The following BCOR variants were observed in gnomAD, a reference collection of about 807,000 sequenced individuals.
The protein encoded by BCOR is BCL6 corepressor, also known as BCL-6 corepressor.
In BCOR, 10 loss-of-function variants were observed where a neutral mutation model predicts 86.7. The ratio of observed to expected loss-of-function variants is 0.12; its 90% CI spans 0.07 to 0.20. BCOR has a LOEUF of 0.20. Among genes scored for constraint, BCOR ranks in the 10% least tolerant of loss-of-function variants. The pLI is 1.00. For synonymous variants in BCOR, 611 were observed against 609.0 expected (o/e 1.00, Z -0.05); for missense variants, 1,259 against 1,452.1 (o/e 0.87, Z 2.16).
At chrX:40,150,883 C>G (rs1938152866) in intron 1 of BCOR, among the ~76,000 whole-genome samples, 1 of 112,658 alleles carries the variant, frequency 8.9e-6, no homozygotes, top group African/African-American at 3.2e-5. Flanking sequence ...GATTCCTGCA[C>G]TAGCAAACTG....
intron 1 of BCOR, among the ~76,000 whole-genome samples, chrX:40,083,120 T>G (rs1248704993): frequency 1.9e-4 from 17 of 89,881 alleles, no homozygotes; most frequent in Non-Finnish European, 2.9e-4. Flanking sequence ...GGGGTGGGGG[T>G]GGGGTGTGTG....
rs750973796 is a variant in BCOR, at chrX:40,062,767, G to A, written c.4152C>T (p.Tyr1384=). ...GTACCTTGCCATCGGCATTCTCCAC[G>A]TAGTATTCCCCTGTCAGTGGCAATC... The part of the protein sequence containing the change: ...RRGLPLTGEY[Y]VENADGKVTV... Residue 1384 remains tyrosine, a synonymous_variant, in exon 9 of 15, where the codon TAC becomes TAT. Transcript: ENST00000378444. 76 of 1,209,182 alleles carry A rather than the reference G, an allele frequency of 6.3e-5. No homozygotes were observed. The highest frequency in any genetic ancestry group is 5.3e-4 in the South Asian group (30 of 56,691).
At chrX:40,168,962 G>C (rs1382409106) in intron 1 of BCOR, among the ~76,000 whole-genome samples, 1 of 112,516 alleles carries the variant, frequency 8.9e-6, no homozygotes, top group Non-Finnish European at 1.9e-5. Context: ...GCTGCGCGCA[G>C]GCTGCAGCGG....
chrX:40,160,824 C>G (rs960169376), intron 1 of BCOR, among the ~76,000 whole-genome samples: 3 of 105,236 alleles, frequency 2.9e-5, no homozygotes, highest in Non-Finnish European at 5.9e-5. Flanking sequence ...CCGCCACGCC[C>G]GGCTAATTTT....
intron 10 of BCOR, among the ~76,000 whole-genome samples, chrX:40,060,540 C>T (rs766558732): frequency 6.8e-4 from 76 of 112,235 alleles, no homozygotes; most frequent in Non-Finnish European, 1.1e-3. Context: ...AGGCCAGGAG[C>T]CCTACCCCGC....
chrX:40,162,745 A>G (rs1030228842), intron 1 of BCOR, among the ~76,000 whole-genome samples: 4 of 112,176 alleles, frequency 3.6e-5, no homozygotes, highest in African/African-American at 6.5e-5. Context: ...ATAGAAAATA[A>G]TAACTGCCAA....
chrX:40,053,038 CCTG>C (rs1934406566), intron 14 of BCOR, among the ~76,000 whole-genome samples: 1 of 111,378 alleles, frequency 9.0e-6, no homozygotes, highest in Non-Finnish European at 1.9e-5. Flanking sequence ...ATCCAAGTGC[CCTG>C]CTATCAACAG....
intron 6 of BCOR, among the ~76,000 whole-genome samples, chrX:40,066,627 T>C (rs1258432211): frequency 8.9e-6 from 1 of 111,998 alleles, no homozygotes; most frequent in Non-Finnish European, 1.9e-5. Flanking sequence ...ACTATTTGAC[T>C]TTCTGGAGCC....
intron 3 of BCOR, among the ~76,000 whole-genome samples, chrX:40,075,624 C>T (rs1264110020): frequency 9.0e-6 from 1 of 110,610 alleles, no homozygotes; most frequent in Non-Finnish European, 1.9e-5. Context: ...CCAGGTGTGG[C>T]GGTGTGCACC....
intron 1 of BCOR, among the ~76,000 whole-genome samples, chrX:40,118,496 A>C (rs1249751125): frequency 9.2e-6 from 1 of 109,266 alleles, no homozygotes; most frequent in African/African-American, 3.3e-5. Context: ...CGAACTCCTG[A>C]CCTCAGGTGA....
At chrX:40,152,977 G>C (rs1263327793) in intron 1 of BCOR, among the ~76,000 whole-genome samples, 1 of 112,801 alleles carries the variant, frequency 8.9e-6, no homozygotes, top group Non-Finnish European at 1.9e-5. Flanking sequence ...AGGGTGACCG[G>C]GCTGGAGACC....
chrX:40,167,792 C>T (rs965131582), intron 1 of BCOR, among the ~76,000 whole-genome samples: 3 of 112,745 alleles, frequency 2.7e-5, no homozygotes, highest in Non-Finnish European at 5.6e-5. Flanking sequence ...CAACCCTCCT[C>T]GCAACCCATA....
At chrX:40,174,499 T>C (rs1938698779) in intron 1 of BCOR, among the ~76,000 whole-genome samples, 1 of 112,620 alleles carries the variant, frequency 8.9e-6, no homozygotes, top group Non-Finnish European at 1.9e-5. Flanking sequence ...AGCACACGTC[T>C]GGGCAGCCCC....
intron 1 of BCOR, among the ~76,000 whole-genome samples, chrX:40,170,764 T>C (rs913607600): frequency 1.8e-5 from 2 of 112,653 alleles, no homozygotes; most frequent in African/African-American, 6.5e-5. Context: ...CAGAAACTTA[T>C]CTCGAAATGA....
At chrX:40,173,334 C>T (rs1413702052) in intron 1 of BCOR, among the ~76,000 whole-genome samples, 1 of 112,064 alleles carries the variant, frequency 8.9e-6, no homozygotes, top group African/African-American at 3.2e-5. Context: ...TTATCTACCT[C>T]GTAGGGTTGT....
In BCOR at chrX:40,127,993, G is replaced by A. The variant is rs1245267300; in HGVS notation, c.-41+49014C>T. On this transcript the variant is annotated intron_variant, in intron 1 of 14. Transcript: ENST00000342274. ...TGTAATCCCAGCACTTTGGGAGGCC[G>A]AGGCGGACAGATCACGAGATCAGGA... Among the ~76,000 whole-genome samples, 20 of 111,432 alleles carry A rather than the reference G, an allele frequency of 1.8e-4. 1 individual carries two copies. Among genetic ancestry groups the A allele is most frequent in the Admixed American group, 1.7e-3 (18 of 10,452 alleles).
intron 1 of BCOR, among the ~76,000 whole-genome samples, chrX:40,163,108 A>G (rs1249200793): frequency 8.9e-6 from 1 of 112,010 alleles, no homozygotes; most frequent in Non-Finnish European, 1.9e-5. Context: ...TGTACCATAT[A>G]AAGATAGCTG....
chrX:40,105,442 T>C (rs995583958), intron 1 of BCOR, among the ~76,000 whole-genome samples: 2 of 112,157 alleles, frequency 1.8e-5, no homozygotes, highest in Non-Finnish European at 3.8e-5. Flanking sequence ...GCGTCACCCC[T>C]GATCCCTCCT....
At chrX:40,052,972 C>G (rs2146847640) in intron 14 of BCOR, among the ~76,000 whole-genome samples, 1 of 111,695 alleles carries the variant, frequency 9.0e-6, no homozygotes, top group East Asian at 2.8e-4. Flanking sequence ...CATTTCTCCC[C>G]TTTCTGGGGG....
Sources: allele counts gnomAD v4.1 joint callset (sites outside exome capture counted in the v4.1 genomes callset), GRCh38; gene constraint gnomAD v4.1.1; transcripts MANE v1.5; gene names NCBI Gene and HGNC (gene_info 2026-07-23, HGNC 2026-07-21).